PARD3B: variants seen among roughly 807,000 people sequenced by gnomAD.
PARD3B encodes par-3 family cell polarity regulator beta.
Under a neutral mutation model 130.2 loss-of-function variants are expected in PARD3B, and 103 were observed. The ratio of observed to expected loss-of-function variants is 0.79; its 90% confidence interval spans 0.67 to 0.93. The LOEUF is 0.93. Ranked by LOEUF, PARD3B falls within the 40% of genes least tolerant of loss-of-function variation. The pLI is 0.00. For missense variants in PARD3B, 1,609 were observed against 1,499.2 expected (o/e 1.07, Z -1.21); for synonymous variants, 583 against 553.2 (o/e 1.05, Z -0.76).
chr2:205,007,992 G>A (rs1275222906), intron 3 of PARD3B, among the ~76,000 whole-genome samples: 1 of 152,118 alleles, frequency 6.6e-6, no homozygotes, highest in Non-Finnish European at 1.5e-5. Flanking sequence ...TTCTCAGCTT[G>A]GTTGTTGTTG....
At chr2:205,297,476 G>T (rs1354084408) in intron 16 of PARD3B, among the ~76,000 whole-genome samples, 6 of 152,110 alleles carry the variant, frequency 3.9e-5, no homozygotes, top group African/African-American at 1.4e-4. Flanking sequence ...CAAGTGTTTT[G>T]TTGGAATTTA....
In PARD3B at chr2:204,965,139, G is replaced by A. The variant is rs1454913002; in HGVS notation, c.223-13G>A. On this transcript the variant is annotated splice_polypyrimidine_tract_variant and intron_variant, in intron 2 of 22. Transcript: ENST00000406610. ...TCCTACAAAGTAATTAGTGTTGTTG[G>A]ATTTGTTTGTAGCTGATTGCTGTGT... 2 of 1,611,270 alleles carry A rather than the reference G, an allele frequency of 1.2e-6. No individual in the cohort carries two copies. Among genetic ancestry groups the A allele is most frequent in the Admixed American group, 1.7e-5 (1 of 59,728 alleles).
At chr2:204,653,076 A>G (rs748444166) in intron 1 of PARD3B, among the ~76,000 whole-genome samples, 5 of 150,994 alleles carry the variant, frequency 3.3e-5, no homozygotes, top group Non-Finnish European at 5.9e-5. Flanking sequence ...AAACTCATGG[A>G]CACAAAAAAC....
At position 205,197,720 on chromosome 2, in the gene PARD3B, GAGA is replaced by G. The variant is rs140063835; in HGVS notation, c.2140+4401_2140+4403del. On this transcript the variant is annotated intron_variant, in intron 15 of 22. Transcript: ENST00000406610. ...GGTTAGGGTGTCACTTAAGAGACTG[GAGA>G]GTGGATACTTCTGGGTTTTGGAGAA... Among the ~76,000 whole-genome samples the G allele has an allele frequency of 8.0e-3, 1,224 of 152,284 alleles. 17 individuals carry two copies. The highest frequency in any genetic ancestry group is 0.014 in the African/African-American group (574 of 41,572).
Position 205,378,695 on chromosome 2 carries a change from G to T in PARD3B, c.2631-22318G>T, listed in dbSNP as rs184473151. On this transcript the variant is annotated intron_variant, in intron 18 of 22. Transcript: ENST00000406610. The stretch of plus-strand genomic sequence containing the variant: ...TCGTCAGGCTGGAGTGCAATGGCAC[G>T]ATCTCAGCTCACTGCAACCTCCGCC... 5.4e-5 allele frequency among the ~76,000 whole-genome samples: 8 copies of T among 148,788 alleles called. No homozygotes were observed. The South Asian group carries it at 6.3e-4, about 12-fold the overall frequency.
chr2:204,700,679 A>C (rs1467923433), intron 2 of PARD3B, among the ~76,000 whole-genome samples: 1 of 152,090 alleles, frequency 6.6e-6, no homozygotes, highest in African/African-American at 2.4e-5. Context: ...CAGTGTCTTG[A>C]TTATAGTGTT....
intron 21 of PARD3B, among the ~76,000 whole-genome samples, chr2:205,547,307 C>T (rs1045040043): frequency 7.2e-5 from 11 of 152,094 alleles, no homozygotes; most frequent in Non-Finnish European, 1.3e-4. Flanking sequence ...ATCAATCCAC[C>T]GAAATCACTC....
chr2:204,719,978 C>T (rs536274150), intron 2 of PARD3B, among the ~76,000 whole-genome samples: 3 of 152,236 alleles, frequency 2.0e-5, no homozygotes, highest in Admixed American at 2.0e-4. Context: ...TTTGCTTAAG[C>T]TTTTGCCTCT....
rs948793673 is a variant in PARD3B at position 205,592,029 on chromosome 2, C to G, written c.3261-23427C>G. 2.0e-5 allele frequency among the ~76,000 whole-genome samples: 3 copies of G among 152,196 alleles called. No individual in the cohort carries two copies. The highest frequency in any genetic ancestry group is 2.9e-5 in the Non-Finnish European group (2 of 68,030). ...TAATCCTACCAGTGATGATGTCTTACAGTGTGTAACTGGGCTTTGTCAGTT... is the reference window on the plus strand; with the variant it reads ...TAATCCTACCAGTGATGATGTCTTAGAGTGTGTAACTGGGCTTTGTCAGTT... On this transcript the variant is annotated intron_variant, in intron 22 of 22. Transcript: ENST00000406610. The surrounding 1 kb of genome is among the most constrained non-coding windows in gnomAD (Gnocchi z 4.5).
intron 18 of PARD3B, among the ~76,000 whole-genome samples, chr2:205,318,170 A>G (rs1574683691): frequency 6.6e-6 from 1 of 152,142 alleles, no homozygotes; most frequent in Non-Finnish European, 1.5e-5. Context: ...CAGGGACTGT[A>G]ATTTTCCACT....
chr2:205,207,444 G>A (rs571160692), intron 15 of PARD3B, among the ~76,000 whole-genome samples: 4 of 148,338 alleles, frequency 2.7e-5, no homozygotes, highest in South Asian at 2.1e-4. Context: ...TTTTTTGAAA[G>A]GATCAACAAA....
intron 22 of PARD3B, among the ~76,000 whole-genome samples, chr2:205,561,214 T>C (rs2053121755): frequency 6.6e-6 from 1 of 152,212 alleles, no homozygotes; most frequent in Non-Finnish European, 1.5e-5. Context: ...AACTTCTGCT[T>C]CATTCACTGT....
rs183314348 is a variant in PARD3B at position 204,548,463 on chromosome 2, A to G, written c.120+2344A>G. 9.3e-4 allele frequency among the ~76,000 whole-genome samples: 141 copies of G among 152,338 alleles called. 2 individuals carry two copies. The highest frequency in any genetic ancestry group is 8.4e-3 in the Admixed American group (128 of 15,296). On this transcript the variant is annotated intron_variant, in intron 1 of 22. Coordinates refer to ENST00000406610, the MANE Select transcript of PARD3B (RefSeq NM_001302769.2). ...ATTTTACAAATCAGGGGAAAAAGAGACACAGAGACATGACAAGTAAGTCGT... is the reference window on the plus strand; with the variant it reads ...ATTTTACAAATCAGGGGAAAAAGAGGCACAGAGACATGACAAGTAAGTCGT...
At chr2:205,112,914 A>G (rs1703742344) in intron 5 of PARD3B, among the ~76,000 whole-genome samples, 1 of 152,344 alleles carries the variant, frequency 6.6e-6, no homozygotes, top group African/African-American at 2.4e-5. Context: ...TCTGTTGAAT[A>G]GAACTGATGC....
rs1424628532 is a variant in PARD3B, at chr2:205,405,505, C to A, written c.2741+4382C>A. 1.3e-5 allele frequency among the ~76,000 whole-genome samples: 2 copies of A among 152,184 alleles called. No individual in the cohort carries two copies. The highest frequency in any genetic ancestry group is 4.8e-5 in the African/African-American group (2 of 41,442). ...TTTCCTGTGGATAATGCAGAGAAATCTAGATCAGATGATATAACCCTAGAA... is the reference window on the plus strand; with the variant it reads ...TTTCCTGTGGATAATGCAGAGAAATATAGATCAGATGATATAACCCTAGAA... On this transcript the variant is annotated intron_variant, in intron 19 of 22. Transcript: ENST00000406610. This position sits in a 1 kb window ranked among gnomAD's most constrained non-coding sequence, Gnocchi z 4.1.
intron 2 of PARD3B, among the ~76,000 whole-genome samples, chr2:204,899,568 T>C (rs969384100): frequency 1.8e-4 from 28 of 152,186 alleles, no homozygotes; most frequent in African/African-American, 6.8e-4. Flanking sequence ...ATTTGTATCT[T>C]ACTGTTATGT....
chr2:204,652,690 C>A (rs2035518798), intron 1 of PARD3B, among the ~76,000 whole-genome samples: 1 of 152,118 alleles, frequency 6.6e-6, no homozygotes, highest in South Asian at 2.1e-4. Flanking sequence ...TATATTAGTC[C>A]ATTTTTACAC....
intron 1 of PARD3B, among the ~76,000 whole-genome samples, chr2:204,629,233 C>G (rs1358175020): frequency 2.0e-5 from 3 of 152,164 alleles, no homozygotes; most frequent in Non-Finnish European, 4.4e-5. Flanking sequence ...GGAAAGATGA[C>G]ATCCTTTGAA....
chr2:205,151,217 G>A (rs967638573), intron 10 of PARD3B, among the ~76,000 whole-genome samples: 12 of 152,202 alleles, frequency 7.9e-5, no homozygotes, highest in Non-Finnish European at 1.3e-4. Context: ...GTGATATGGT[G>A]CTGAGAAGAA....
Sources: gnomAD v4.1 joint callset for allele counts (sites outside exome capture counted in the v4.1 genomes callset) on GRCh38, gnomAD v4.1.1 for gene constraint, Gnocchi (gnomAD v3.1) non-coding constraint, MANE v1.5 for transcripts, NCBI Gene and HGNC (gene_info 2026-07-23, HGNC 2026-07-21) for gene names.